Variants in WWC1 observed in about 807,000 individuals in gnomAD.
WWC1 encodes WW and C2 domain containing 1.
In WWC1, 55 loss-of-function variants were observed where a neutral mutation model predicts 138.4. The observed-to-expected ratio is 0.40, with a 90% CI of 0.32 to 0.50. The LOEUF (loss-of-function observed/expected upper bound fraction) is 0.50. WWC1 is among the 20% of genes least tolerant of loss of function. The pLI is 0.72. For synonymous variants in WWC1, 524 were observed against 564.9 expected (o/e 0.93, Z 1.03); for missense variants, 1,226 against 1,420.4 (o/e 0.86, Z 2.20).
At position 168,341,037 on chromosome 5, in the gene WWC1, A is replaced by G. The variant is rs1463514645; in HGVS notation, c.120-30387A>G. ...GCTTCCTTATAGCAGCTACTGTGCC[A>G]GGAGCCAGAGAGACTGGGGAGAGCA... is the stretch of plus-strand genomic sequence containing the variant. On this transcript the variant is annotated intron_variant, in intron 1 of 22. Transcript: ENST00000265293. Among the ~76,000 whole-genome samples, 8 of 152,214 alleles carry G rather than the reference A, an allele frequency of 5.3e-5. No individual in the cohort carries two copies. In the East Asian group the frequency reaches 1.5e-3, roughly 29 times the overall value.
chr5:168,463,874 C>T (rs1392601494), intron 20 of WWC1, among the ~76,000 whole-genome samples: 1 of 152,162 alleles, frequency 6.6e-6, no homozygotes, highest in Non-Finnish European at 1.5e-5. Context: ...TCAAACAGGT[C>T]ACCCCACAAG....
chr5:168,307,715 C>T (rs186619167), intron 1 of WWC1, among the ~76,000 whole-genome samples: 2 of 151,326 alleles, frequency 1.3e-5, no homozygotes, highest in East Asian at 3.9e-4. Flanking sequence ...AGCGATTCTC[C>T]TGCCTCAGCC....
intron 8 of WWC1, chr5:168,410,234 A>G: frequency 2.1e-6 from 1 of 469,320 alleles, no homozygotes; most frequent in Non-Finnish European, 3.8e-6. Context: ...AGATCTGTTT[A>G]ACCTCAAAGC....
chr5:168,363,844 G>A (rs1582043099), intron 1 of WWC1, among the ~76,000 whole-genome samples: 1 of 152,154 alleles, frequency 6.6e-6, no homozygotes, highest in Non-Finnish European at 1.5e-5. Context: ...GAGTGACAGT[G>A]CCTGCATTGG....
intron 1 of WWC1, among the ~76,000 whole-genome samples, chr5:168,355,014 A>G (rs951808351): frequency 6.6e-6 from 1 of 152,210 alleles, no homozygotes; most frequent in African/African-American, 2.4e-5. Context: ...TTCAGCAGAT[A>G]TTAGGGAGCC....
intron 1 of WWC1, among the ~76,000 whole-genome samples, chr5:168,309,707 A>G (rs775987849): frequency 3.9e-5 from 6 of 151,908 alleles, no homozygotes; most frequent in Non-Finnish European, 8.8e-5. Context: ...TTAGTAGAAA[A>G]TAGACACCTC....
chr5:168,337,493 A>G (rs1048232527), intron 1 of WWC1, among the ~76,000 whole-genome samples: 1 of 152,112 alleles, frequency 6.6e-6, no homozygotes, highest in Non-Finnish European at 1.5e-5. Flanking sequence ...CCTGCAGTGC[A>G]CAGGACAGCC....
At position 168,428,915 on chromosome 5, in the gene WWC1, G is replaced by A; in HGVS notation, c.2000+128G>A. The A allele has an allele frequency of 1.2e-5, 10 of 853,680 alleles. No homozygotes were observed. In the South Asian group the frequency reaches 1.6e-4, roughly 14 times the overall value. 52.9% of individuals were successfully genotyped at this position (853,680 alleles called of 1,614,324 possible). ...AAGGCAGCACCAGCAGGACCTGCTG[G>A]CCATTGCAGCTTCTTAACTGAAGGG... On this transcript the variant is annotated intron_variant, in intron 13 of 22. Transcript: ENST00000265293.
intron 2 of WWC1, among the ~76,000 whole-genome samples, chr5:168,375,402 A>G (rs1777086150): frequency 6.6e-6 from 1 of 152,186 alleles, no homozygotes. Flanking sequence ...GCAAATACAA[A>G]GAGGACCAAG....
chr5:168,337,332 G>A (rs1773567349), intron 1 of WWC1, among the ~76,000 whole-genome samples: 1 of 70,104 alleles, frequency 1.4e-5, no homozygotes, highest in Non-Finnish European at 2.8e-5. Context: ...TCTTTCAAAA[G>A]CTCCATCGGT....
chr5:168,365,225 C>T (rs539336608), intron 1 of WWC1, among the ~76,000 whole-genome samples: 30 of 152,226 alleles, frequency 2.0e-4, no homozygotes, highest in East Asian at 5.8e-4. Flanking sequence ...CAGCCCAGGG[C>T]GGGAAGAACC....
intron 2 of WWC1, among the ~76,000 whole-genome samples, chr5:168,375,630 C>G (rs1777111656): frequency 1.3e-5 from 2 of 151,906 alleles, no homozygotes; most frequent in Non-Finnish European, 2.9e-5. Flanking sequence ...GGCTGGAGTA[C>G]AGTGGCAGAT....
intron 7 of WWC1, 28 bp downstream of exon 7, chr5:168,408,681 G>T: frequency 6.2e-7 from 1 of 1,612,104 alleles, no homozygotes. Context: ...GTTGCTGGGG[G>T]CCTTCCACAG....
intron 1 of WWC1, among the ~76,000 whole-genome samples, chr5:168,314,575 G>T (rs1387552877): frequency 6.7e-6 from 1 of 150,134 alleles, no homozygotes; most frequent in African/African-American, 2.4e-5. Context: ...CTCAAAAAAA[G>T]AAAAAAAAAG....
Position 168,464,921 on chromosome 5 carries a change from G to A in WWC1, c.3109G>A (p.Asp1037Asn). 1 of 1,614,182 alleles carries A rather than the reference G, an allele frequency of 6.2e-7. No homozygotes were observed. The highest frequency in any genetic ancestry group is 8.5e-7 in the Non-Finnish European group (1 of 1,180,030). Residue 1037 changes from aspartate to asparagine, a missense_variant, in exon 21 of 23, where the codon GAC (aspartate) becomes AAC (asparagine). Coordinates refer to ENST00000265293, the MANE Select transcript of WWC1 (RefSeq NM_015238.3). ...EKELPQWLRE[D>N]ERFRLLLRML... ...GGAGCTGCCACAGTGGTTGCGTGAG[G>A]ACGAGCGTTTCCGCCTGCTGCTGAG... is the stretch of plus-strand genomic sequence containing the variant.
In WWC1 at chr5:168,391,426, C is replaced by T. The variant is rs939740349; in HGVS notation, c.433+6012C>T. ...CTGTAATCCCAGCACTTCGGGAGGC[C>T]GAGGCAGGCAGATCACGAGGTCAGG... On this transcript the variant is annotated intron_variant, in intron 3 of 22. Transcript: ENST00000265293. Among the ~76,000 whole-genome samples, 6 of 152,062 alleles carry T rather than the reference C, an allele frequency of 3.9e-5. No individual in the cohort carries two copies. In the East Asian group the frequency reaches 5.8e-4, roughly 15 times the overall value.
intron 10 of WWC1, among the ~76,000 whole-genome samples, chr5:168,423,149 C>CAAAAAAAA (rs773855632): frequency 5.3e-4 from 38 of 71,266 alleles, no homozygotes; most frequent in African/African-American, 6.7e-4. Flanking sequence ...CATCCCCCCC[C>CAAAAAAAA]AAAAAAAAAA....
intron 15 of WWC1, among the ~76,000 whole-genome samples, chr5:168,433,034 G>A (rs983110496): frequency 4.6e-5 from 7 of 152,308 alleles, no homozygotes; most frequent in Admixed American, 6.5e-5. Flanking sequence ...TGGCATTGTG[G>A]GGCCACATCC....
At chr5:168,366,461 C>T (rs766826112) in intron 1 of WWC1, among the ~76,000 whole-genome samples, 11 of 152,148 alleles carry the variant, frequency 7.2e-5, no homozygotes, top group African/African-American at 2.4e-4. Flanking sequence ...GAATATCAAA[C>T]CCAAAGTGTT....
Sources: allele counts gnomAD v4.1 joint callset (sites outside exome capture counted in the v4.1 genomes callset), GRCh38; gene constraint gnomAD v4.1.1; transcripts MANE v1.5; gene names NCBI Gene and HGNC (gene_info 2026-07-23, HGNC 2026-07-21).